NALF1: variants seen among roughly 807,000 people sequenced by gnomAD.
NALF1 encodes family with sequence similarity 155 member A.
A neutral mutation model predicts 48.4 loss-of-function variants in NALF1; 3 were observed. The observed-to-expected ratio is 0.06, with a 90% CI of 0.03 to 0.16. The LOEUF (loss-of-function observed/expected upper bound fraction) is 0.16. Among genes scored for constraint, NALF1 ranks in the 10% least tolerant of loss-of-function variants. The pLI, the probability that NALF1 is intolerant of heterozygous loss-of-function variation, is 1.00. For missense variants in NALF1, 526 were observed against 571.5 expected (o/e 0.92, Z 0.81); for synonymous variants, 262 against 245.7 (o/e 1.07, Z -0.62).
chr13:107,616,776 C>T (rs1879390972), intron 1 of NALF1, among the ~76,000 whole-genome samples: 1 of 152,142 alleles, frequency 6.6e-6, no homozygotes. Context: ...GCCCAGTACT[C>T]CCCACCCCAC....
At chr13:107,200,170 GC>G (rs1879480893) in intron 2 of NALF1, among the ~76,000 whole-genome samples, 1 of 152,216 alleles carries the variant, frequency 6.6e-6, no homozygotes, top group Non-Finnish European at 1.5e-5. Flanking sequence ...AGCAGCAGAA[GC>G]ACAGGGTGCT....
At chr13:107,570,488 A>G (rs978239387) in intron 1 of NALF1, among the ~76,000 whole-genome samples, 1 of 151,658 alleles carries the variant, frequency 6.6e-6, no homozygotes, top group Admixed American at 6.6e-5. Context: ...GATGGATTAG[A>G]TTGATTTTCA....
intron 1 of NALF1, among the ~76,000 whole-genome samples, chr13:107,657,601 G>C (rs1039968641): frequency 6.6e-6 from 1 of 152,120 alleles, no homozygotes; most frequent in Non-Finnish European, 1.5e-5. Context: ...TGGGTAGGAA[G>C]TATTTACCAG....
At chr13:107,685,320 A>C (rs1881409371) in intron 1 of NALF1, among the ~76,000 whole-genome samples, 1 of 152,110 alleles carries the variant, frequency 6.6e-6, no homozygotes, top group Non-Finnish European at 1.5e-5. Flanking sequence ...CTCAGGAAAA[A>C]AACAAACAAA....
chr13:107,439,475 G>C (rs1265627551), intron 1 of NALF1, among the ~76,000 whole-genome samples: 1 of 152,178 alleles, frequency 6.6e-6, no homozygotes, highest in Non-Finnish European at 1.5e-5. Context: ...GGTCTTCACA[G>C]TGAAGAATGA....
Position 107,263,454 on chromosome 13 carries a change from G to A in NALF1, c.916-52699C>T, listed in dbSNP as rs530146082. Reference sequence around the variant, plus strand: ...TTAATGGTTGATACGGTTTGGCTGTGGCCCCACCGAAATCTCATCTTGAAT... The same window carrying A: ...TTAATGGTTGATACGGTTTGGCTGTAGCCCCACCGAAATCTCATCTTGAAT... On this transcript the variant is annotated intron_variant, in intron 1 of 2. Transcript: ENST00000375915. 1.1e-4 allele frequency among the ~76,000 whole-genome samples: 16 copies of A among 152,150 alleles called. No homozygotes were observed. The South Asian group carries it at 2.1e-3, about 20-fold the overall frequency.
rs989758758 is a variant in NALF1 at position 107,860,540 on chromosome 13, C to T, written c.915+5142G>A. Among the ~76,000 whole-genome samples, 6 of 152,104 alleles carry T rather than the reference C, an allele frequency of 3.9e-5. No homozygotes were observed. In the South Asian group the frequency reaches 8.3e-4, roughly 21 times the overall value. ...TAGGGTTGGGATGCCCTGGCCTTAG[C>T]GCCCTCAAAGATTTCCAGGATGTTC... On this transcript the variant is annotated intron_variant, in intron 1 of 2. Transcript: ENST00000375915.
At chr13:107,385,574 A>AAAAC (rs1566319995) in intron 1 of NALF1, among the ~76,000 whole-genome samples, 263 of 149,642 alleles carry the variant, frequency 1.8e-3, no homozygotes, top group Non-Finnish European at 3.2e-3. Context: ...AAAAAAAAAA[A>AAAAC]AAACAAAGAA....
At chr13:107,193,948 C>T (rs1001379287) in intron 2 of NALF1, among the ~76,000 whole-genome samples, 1 of 152,128 alleles carries the variant, frequency 6.6e-6, no homozygotes, top group Non-Finnish European at 1.5e-5. Context: ...TATTGAATCT[C>T]TCCATGTACA....
Position 107,618,991 on chromosome 13 carries a change from C to T in NALF1, c.915+246691G>A, listed in dbSNP as rs977747299. ...TCACTATCCAATATCAGGAACAGTG[C>T]GGTTACACAGAACTTACTGTGATGA... On this transcript the variant is annotated intron_variant, in intron 1 of 2. Coordinates refer to ENST00000375915, the MANE Select transcript of NALF1 (RefSeq NM_001080396.3). 3.2e-4 allele frequency among the ~76,000 whole-genome samples: 48 copies of T among 152,282 alleles called. 1 individual carries two copies. Among genetic ancestry groups the T allele is most frequent in the Admixed American group, 1.5e-3 (23 of 15,294 alleles).
At chr13:107,666,009 G>A (rs2138481413) in intron 1 of NALF1, among the ~76,000 whole-genome samples, 1 of 152,188 alleles carries the variant, frequency 6.6e-6, no homozygotes, top group Non-Finnish European at 1.5e-5. Context: ...ACAGAAAGAA[G>A]TCACAAAATG....
intron 1 of NALF1, among the ~76,000 whole-genome samples, chr13:107,228,251 A>AT (rs1880146406): frequency 6.6e-6 from 1 of 152,244 alleles, no homozygotes; most frequent in African/African-American, 2.4e-5. Flanking sequence ...CTACTGACAT[A>AT]GTCATCTTAT....
intron 1 of NALF1, among the ~76,000 whole-genome samples, chr13:107,797,605 T>C (rs1000121614): frequency 2.6e-5 from 4 of 152,222 alleles, no homozygotes; most frequent in Admixed American, 6.5e-5. Context: ...GTCAGTGTTC[T>C]GGGCACTGGG....
intron 1 of NALF1, among the ~76,000 whole-genome samples, chr13:107,703,198 A>C (rs191070869): frequency 6.6e-6 from 1 of 152,190 alleles, no homozygotes. Context: ...TCTTCCTCCA[A>C]ATAAATACTT....
At chr13:107,510,522 T>C (rs1257666734) in intron 1 of NALF1, among the ~76,000 whole-genome samples, 1 of 152,240 alleles carries the variant, frequency 6.6e-6, no homozygotes, top group Non-Finnish European at 1.5e-5. Context: ...AAGTACTGAA[T>C]ATTTTTCAGA....
chr13:107,448,324 A>G (rs556146571), intron 1 of NALF1, among the ~76,000 whole-genome samples: 2 of 152,156 alleles, frequency 1.3e-5, no homozygotes, highest in Admixed American at 1.3e-4. Flanking sequence ...GATAATTTGA[A>G]TTTTTAGCAA....
At chr13:107,389,948 T>C (rs1883593764) in intron 1 of NALF1, among the ~76,000 whole-genome samples, 2 of 152,206 alleles carry the variant, frequency 1.3e-5, no homozygotes, top group Non-Finnish European at 2.9e-5. Context: ...AAACATGCCT[T>C]GTCAGATGTT....
intron 1 of NALF1, among the ~76,000 whole-genome samples, chr13:107,783,255 CG>C (rs1366480074): frequency 7.3e-6 from 1 of 137,880 alleles, no homozygotes; most frequent in Non-Finnish European, 1.6e-5. Context: ...GTCAGCCCCC[CG>C]CCCGGCCAGT....
At chr13:107,401,503 A>G (rs1242027581) in intron 1 of NALF1, among the ~76,000 whole-genome samples, 1 of 152,210 alleles carries the variant, frequency 6.6e-6, no homozygotes, top group East Asian at 1.9e-4. Flanking sequence ...CAAATCTGAA[A>G]TATCTTTATC....
Sources: gnomAD v4.1 joint callset for allele counts (sites outside exome capture counted in the v4.1 genomes callset) on GRCh38, gnomAD v4.1.1 for gene constraint, MANE v1.5 for transcripts, NCBI Gene and HGNC (gene_info 2026-07-23, HGNC 2026-07-21) for gene names.